The following PRKG1 variants were observed in gnomAD, a reference collection of about 807,000 sequenced individuals.
The protein encoded by PRKG1 is cGMP-dependent protein kinase 1.
PRKG1 carries 35 observed loss-of-function variants against 88.1 expected under a neutral mutation model. That is an observed-to-expected ratio of 0.40 (90% confidence interval 0.30 to 0.53). The LOEUF (loss-of-function observed/expected upper bound fraction) is 0.53, where lower values mean the gene tolerates loss of function less well. Among genes scored for constraint, PRKG1 ranks in the 20% least tolerant of loss-of-function variants. The pLI, the probability that PRKG1 is intolerant of heterozygous loss-of-function variation, is 0.59. For missense variants in PRKG1, 540 were observed against 839.8 expected (o/e 0.64, Z 4.41); for synonymous variants, 303 against 292.5 (o/e 1.04, Z -0.37).
At chr10:51,142,656 T>C (rs569960488) in intron 1 of PRKG1, among the ~76,000 whole-genome samples, 1 of 152,262 alleles carries the variant, frequency 6.6e-6, no homozygotes, top group South Asian at 2.1e-4. Flanking sequence ...ATCTCTCATA[T>C]GAACTTGGCA....
chr10:51,159,856 C>A (rs962029470), intron 2 of PRKG1, among the ~76,000 whole-genome samples: 2 of 151,988 alleles, frequency 1.3e-5, no homozygotes, highest in Non-Finnish European at 2.9e-5. Flanking sequence ...ATCTAGATGG[C>A]CAAAGAAGAA....
chr10:51,113,730 A>AAT (rs1845033115), intron 1 of PRKG1, among the ~76,000 whole-genome samples: 1 of 108,954 alleles, frequency 9.2e-6, no homozygotes, highest in African/African-American at 2.9e-5. Flanking sequence ...ATTCTATTTA[A>AAT]AAAAAAAAAA....
intron 5 of PRKG1, among the ~76,000 whole-genome samples, chr10:51,947,489 T>C (rs1843076701): frequency 6.6e-6 from 1 of 152,158 alleles, no homozygotes; most frequent in African/African-American, 2.4e-5. Context: ...GCCCACTGTC[T>C]GGCACTCCCT....
At chr10:51,903,850 C>G (rs560110553) in intron 4 of PRKG1, among the ~76,000 whole-genome samples, 26 of 152,072 alleles carry the variant, frequency 1.7e-4, no homozygotes, top group Non-Finnish European at 3.5e-4. Flanking sequence ...CTTTCTTCAC[C>G]AGTGCTGAGT....
intron 5 of PRKG1, among the ~76,000 whole-genome samples, chr10:51,992,307 T>C (rs1221973864): frequency 6.6e-6 from 1 of 152,154 alleles, no homozygotes; most frequent in Non-Finnish European, 1.5e-5. Flanking sequence ...TTTCATGGTC[T>C]CCTCTTCTTC....
At chr10:52,118,295 C>T (rs1185859985) in intron 7 of PRKG1, among the ~76,000 whole-genome samples, 2 of 151,834 alleles carry the variant, frequency 1.3e-5, no homozygotes, top group African/African-American at 2.4e-5. Context: ...TCGGGGTATT[C>T]TTTATATTAT....
At chr10:51,578,980 GTTTTTT>G (rs752412264) in intron 3 of PRKG1, among the ~76,000 whole-genome samples, 1 of 77,832 alleles carries the variant, frequency 1.3e-5, no homozygotes. Flanking sequence ...AGTTCTGTTG[GTTTTTT>G]TTTTTTTTTT....
intron 1 of PRKG1, among the ~76,000 whole-genome samples, chr10:50,999,673 G>A (rs1013206823): frequency 5.9e-5 from 9 of 152,168 alleles, no homozygotes; most frequent in Admixed American, 5.9e-4. Flanking sequence ...ATATGGTACT[G>A]TTATTGTCTA....
At chr10:51,827,555 C>G (rs1242282706) in intron 4 of PRKG1, among the ~76,000 whole-genome samples, 2 of 152,042 alleles carry the variant, frequency 1.3e-5, no homozygotes, top group African/African-American at 4.8e-5. Flanking sequence ...TTTATTAACT[C>G]ATGAGTGTGG....
intron 3 of PRKG1, among the ~76,000 whole-genome samples, chr10:51,551,224 A>G (rs976920736): frequency 8.6e-5 from 13 of 151,842 alleles, no homozygotes; most frequent in African/African-American, 2.9e-4. Context: ...ATTTATATGG[A>G]CCTCAAACAT....
Position 51,275,024 on chromosome 10 carries a change from T to C in PRKG1, c.478+121694T>C, listed in dbSNP as rs116018759. Among the ~76,000 whole-genome samples, 1,125 of 152,324 alleles carry C rather than the reference T, an allele frequency of 7.4e-3. 9 individuals are homozygous for C. The highest frequency in any genetic ancestry group is 0.025 in the African/African-American group (1,059 of 41,570). ...ATTGCAATGGTGTTATTGTCATTAT[T>C]AGGCCTTAAAGTGCCGTGAATGACT... is the stretch of plus-strand genomic sequence containing the variant. On this transcript the variant is annotated intron_variant, in intron 2 of 17. Transcript: ENST00000373980.
intron 3 of PRKG1, among the ~76,000 whole-genome samples, chr10:51,754,568 A>G (rs1837808729): frequency 6.6e-6 from 1 of 152,154 alleles, no homozygotes; most frequent in Non-Finnish European, 1.5e-5. Flanking sequence ...TCAGAGCAAA[A>G]TGGGACTTCC....
At chr10:52,254,288 TC>T (rs1841256602) in intron 10 of PRKG1, among the ~76,000 whole-genome samples, 1 of 151,994 alleles carries the variant, frequency 6.6e-6, no homozygotes, top group Non-Finnish European at 1.5e-5. Context: ...TGCAAGATAA[TC>T]TTGTCAATAT....
chr10:51,035,486 TG>T (rs1398364447), intron 1 of PRKG1, among the ~76,000 whole-genome samples: 3 of 152,188 alleles, frequency 2.0e-5, no homozygotes, highest in Non-Finnish European at 4.4e-5. Flanking sequence ...GTCAATAACC[TG>T]GCTTTATTAA....
chr10:51,563,277 G>C (rs1224284459), intron 3 of PRKG1, among the ~76,000 whole-genome samples: 1 of 152,116 alleles, frequency 6.6e-6, no homozygotes, highest in Non-Finnish European at 1.5e-5. Flanking sequence ...ATGTATAGCT[G>C]CAAATAGCTA....
intron 4 of PRKG1, among the ~76,000 whole-genome samples, chr10:51,848,857 T>TG (rs1490806455): frequency 6.6e-6 from 1 of 151,850 alleles, no homozygotes; most frequent in African/African-American, 2.4e-5. Context: ...TTCTATTTTT[T>TG]TTTTTTTTTT....
chr10:51,617,319 G>A (rs1839085102), intron 3 of PRKG1, among the ~76,000 whole-genome samples: 1 of 152,024 alleles, frequency 6.6e-6, no homozygotes, highest in African/African-American at 2.4e-5. Context: ...GAATTCTAGT[G>A]TTCTCTTTTG....
chr10:52,193,564 A>AAAC (rs1839426395), intron 9 of PRKG1, among the ~76,000 whole-genome samples: 1 of 5,706 alleles, frequency 1.8e-4, no homozygotes, highest in Admixed American at 2.6e-3. Flanking sequence ...AAAAAAAAAC[A>AAAC]AAAAAAAAAA....
intron 2 of PRKG1, among the ~76,000 whole-genome samples, chr10:51,423,824 A>G (rs965894003): frequency 3.9e-5 from 6 of 152,150 alleles, no homozygotes. Context: ...TATTTAAAAT[A>G]TGTTGGCCAA....
Sources: allele counts gnomAD v4.1 joint callset (sites outside exome capture counted in the v4.1 genomes callset), GRCh38; gene constraint gnomAD v4.1.1; transcripts MANE v1.5; gene names NCBI Gene and HGNC (gene_info 2026-07-23, HGNC 2026-07-21).